Variants in DLG2 observed in about 807,000 individuals in gnomAD.
The protein encoded by DLG2 is disks large homolog 2.
In DLG2, 45 loss-of-function variants were observed where a neutral mutation model predicts 132.5. The ratio of observed to expected loss-of-function variants is 0.34; its 90% CI spans 0.27 to 0.44. The LOEUF (loss-of-function observed/expected upper bound fraction) is 0.44, where lower values mean the gene tolerates loss of function less well. Ranked by LOEUF, DLG2 falls within the 20% of genes least tolerant of loss-of-function variation. DLG2 has a pLI of 1.00. For synonymous variants in DLG2, 424 were observed against 419.6 expected (o/e 1.01, Z -0.13); for missense variants, 1,045 against 1,196.9 (o/e 0.87, Z 1.87).
chr11:85,154,235 T>A (rs568463959), intron 5 of DLG2, among the ~76,000 whole-genome samples: 36 of 151,752 alleles, frequency 2.4e-4, no homozygotes, highest in Admixed American at 3.9e-4. Flanking sequence ...CTCAAATAGT[T>A]AACATCTTCT....
At chr11:84,714,643 CTCTT>C (rs770443178) in intron 6 of DLG2, among the ~76,000 whole-genome samples, 114 of 134,302 alleles carry the variant, frequency 8.5e-4, no homozygotes, top group Middle Eastern at 3.7e-3. Flanking sequence ...CTCTCTCTCT[CTCTT>C]TCTCTCTCTC....
At chr11:84,528,019 G>A (rs1466792535) in intron 7 of DLG2, among the ~76,000 whole-genome samples, 3 of 151,416 alleles carry the variant, frequency 2.0e-5, no homozygotes, top group Admixed American at 6.6e-5. Context: ...TTCAGTTTCG[G>A]AATAATAATA....
intron 2 of DLG2, among the ~76,000 whole-genome samples, chr11:85,613,559 C>T (rs920569546): frequency 1.8e-4 from 27 of 152,142 alleles, no homozygotes; most frequent in Admixed American, 1.6e-3. Flanking sequence ...AATCAGCTCT[C>T]TGTGTCTAGC....
At chr11:83,539,717 A>G (rs1418080047) in intron 20 of DLG2, among the ~76,000 whole-genome samples, 1 of 151,258 alleles carries the variant, frequency 6.6e-6, no homozygotes, top group Non-Finnish European at 1.5e-5. Flanking sequence ...ATGTAAATAA[A>G]TATCAACCTT....
intron 18 of DLG2, among the ~76,000 whole-genome samples, chr11:83,733,240 C>CAAAAAAA (rs71066061): frequency 1.7e-4 from 8 of 46,188 alleles, no homozygotes; most frequent in African/African-American, 3.8e-4. Flanking sequence ...GACCCCATCT[C>CAAAAAAA]AAAAAAAAAA....
intron 4 of DLG2, among the ~76,000 whole-genome samples, chr11:85,209,062 T>A (rs1456690898): frequency 6.6e-6 from 1 of 152,106 alleles, no homozygotes; most frequent in Non-Finnish European, 1.5e-5. Context: ...ATCTGGACTT[T>A]AGAACCCAAG....
chr11:84,173,392 C>T (rs757625057), intron 8 of DLG2, among the ~76,000 whole-genome samples: 10 of 152,164 alleles, frequency 6.6e-5, no homozygotes, highest in Non-Finnish European at 1.3e-4. Flanking sequence ...GGTTGTAAGG[C>T]ATCATGATAC....
intron 3 of DLG2, among the ~76,000 whole-genome samples, chr11:85,559,847 GAT>G (rs2077140174): frequency 6.6e-6 from 1 of 151,148 alleles, no homozygotes; most frequent in African/African-American, 2.4e-5. Flanking sequence ...TAGATAGATA[GAT>G]AGATAGATAG....
At chr11:85,455,851 G>A (rs947445775) in intron 3 of DLG2, among the ~76,000 whole-genome samples, 1 of 152,122 alleles carries the variant, frequency 6.6e-6, no homozygotes, top group Admixed American at 6.5e-5. Context: ...AGCCAAGCTT[G>A]CATCCCAGGG....
At chr11:84,517,020 AAAAT>A (rs58063905) in intron 7 of DLG2, among the ~76,000 whole-genome samples, 90,761 of 101,212 alleles carry the variant, frequency 0.9, 40,592 homozygotes, top group East Asian at 0.97. Context: ...AAAAAAATAA[AAAAT>A]AAATAAATAA....
chr11:83,679,002 G>A (rs755580194), intron 18 of DLG2, among the ~76,000 whole-genome samples: 1 of 152,064 alleles, frequency 6.6e-6, no homozygotes, highest in Non-Finnish European at 1.5e-5. Flanking sequence ...TATGAGGAGA[G>A]GAATCAAAGC....
At chr11:85,107,287 T>C (rs1411394018) in intron 6 of DLG2, among the ~76,000 whole-genome samples, 1 of 152,060 alleles carries the variant, frequency 6.6e-6, no homozygotes, top group East Asian at 1.9e-4. Flanking sequence ...AGAATTTTTG[T>C]AGCCAAATCA....
chr11:85,525,985 G>C (rs1237946184), intron 3 of DLG2, among the ~76,000 whole-genome samples: 3 of 152,228 alleles, frequency 2.0e-5, no homozygotes, highest in South Asian at 2.1e-4. Context: ...CCACCCAAAA[G>C]GATTAGAGAA....
intron 7 of DLG2, among the ~76,000 whole-genome samples, chr11:84,465,853 C>G (rs904491311): frequency 6.6e-6 from 1 of 151,098 alleles, no homozygotes; most frequent in Non-Finnish European, 1.5e-5. Flanking sequence ...GGCCATAGAT[C>G]AAATCCTAGC....
At chr11:83,756,120 A>G (rs950179567) in intron 18 of DLG2, among the ~76,000 whole-genome samples, 1 of 151,314 alleles carries the variant, frequency 6.6e-6, no homozygotes, top group African/African-American at 2.5e-5. Flanking sequence ...ATCATTATGG[A>G]GAGGCACCAC....
chr11:84,047,729 T>A (rs552741456), intron 11 of DLG2, among the ~76,000 whole-genome samples: 4 of 151,746 alleles, frequency 2.6e-5, no homozygotes, highest in African/African-American at 7.2e-5. Context: ...AAATTATAGA[T>A]CAGCTTTAAA....
chr11:85,383,210 A>G (rs552047011), intron 3 of DLG2, among the ~76,000 whole-genome samples: 2 of 152,296 alleles, frequency 1.3e-5, no homozygotes, highest in African/African-American at 4.8e-5. Context: ...TTTAAGTGAG[A>G]GAAGCCAGTC....
At chr11:85,446,104 A>G (rs2091997631) in intron 3 of DLG2, among the ~76,000 whole-genome samples, 1 of 152,236 alleles carries the variant, frequency 6.6e-6, no homozygotes, top group Non-Finnish European at 1.5e-5. Context: ...ATCAGACCCT[A>G]AATTAATCTA....
At chr11:85,411,547 T>G (rs2089310529) in intron 3 of DLG2, among the ~76,000 whole-genome samples, 1 of 151,930 alleles carries the variant, frequency 6.6e-6, no homozygotes, top group South Asian at 2.1e-4. Flanking sequence ...TAATTTCTAT[T>G]GTTTCACATC....
Sources: allele counts gnomAD v4.1 joint callset (sites outside exome capture counted in the v4.1 genomes callset), GRCh38; gene constraint gnomAD v4.1.1; transcripts MANE v1.5; gene names NCBI Gene and HGNC (gene_info 2026-07-23, HGNC 2026-07-21).